Variants in GLS observed in about 807,000 individuals in gnomAD.
The protein encoded by GLS is glutaminase, also known as glutaminase kidney isoform, mitochondrial.
In GLS, 36 loss-of-function variants were observed where a neutral mutation model predicts 86.7. That is an observed-to-expected ratio of 0.42 (90% confidence interval 0.32 to 0.55). The LOEUF is 0.55. Ranked by LOEUF, GLS falls within the 20% of genes least tolerant of loss-of-function variation. The probability of loss-of-function intolerance (pLI) is 0.17; values close to 1 mark genes in which losing one functional copy is unlikely to be tolerated. For synonymous variants in GLS, 317 were observed against 305.9 expected (o/e 1.04, Z -0.38); for missense variants, 528 against 833.4 (o/e 0.63, Z 4.51).
intron 6 of GLS, among the ~76,000 whole-genome samples, chr2:190,906,665 C>A (rs778908905): frequency 6.6e-6 from 1 of 152,110 alleles, no homozygotes; most frequent in South Asian, 2.1e-4. Context: ...TATATTACAC[C>A]TTCCTGAATT....
Position 190,881,025 on chromosome 2 carries a change from C to T in GLS, c.-60C>T. On this transcript the variant is annotated 5_prime_UTR_variant, in exon 1 of 18. Coordinates refer to ENST00000320717, the MANE Select transcript of GLS (RefSeq NM_014905.5). ...CCACAGACCGCGTTCCCCGAGGAAA[C>T]CGGCCGCCCACGCCCGGAGCATCCT... The T allele has an allele frequency of 6.6e-7, 1 of 1,511,042 alleles. No individual in the cohort carries two copies. The highest frequency in any genetic ancestry group is 8.8e-7 in the Non-Finnish European group (1 of 1,131,230). The allele number at this position is 1,511,042 out of a possible 1,614,324, so 93.6% of individuals were successfully genotyped here.
intron 1 of GLS, among the ~76,000 whole-genome samples, chr2:190,883,922 C>T (rs762073316): frequency 6.6e-6 from 1 of 151,970 alleles, no homozygotes; most frequent in African/African-American, 2.4e-5. Flanking sequence ...ACCTTTTTTT[C>T]ACAAACTCTT....
At position 190,963,019 on chromosome 2, in the gene GLS, C is replaced by CTAT. The variant is rs770992075; in HGVS notation, c.*35_*37dup. 62 of 1,445,370 alleles carry CTAT rather than the reference C, an allele frequency of 4.3e-5. No homozygotes were observed. The highest frequency in any genetic ancestry group is 5.9e-5 in the Non-Finnish European group (62 of 1,054,744). The allele number at this position is 1,445,370 out of a possible 1,614,324, so 89.5% of individuals were successfully genotyped here. On this transcript the variant is annotated 3_prime_UTR_variant, in exon 18 of 18. Coordinates refer to ENST00000320717, the MANE Select transcript of GLS (RefSeq NM_014905.5). ...AAATCCCAAGATTTAAATCACTTAC[C>CTAT]TATTTAATTGTGGAAAATGATTATG...
intron 17 of GLS, among the ~76,000 whole-genome samples, chr2:190,957,068 C>A (rs1690876157): frequency 6.6e-6 from 1 of 151,824 alleles, no homozygotes; most frequent in Non-Finnish European, 1.5e-5. Context: ...AATTTGACTT[C>A]CTCTCTTCCT....
chr2:190,916,819 C>G (rs1689549053), intron 7 of GLS, among the ~76,000 whole-genome samples: 1 of 151,940 alleles, frequency 6.6e-6, no homozygotes, highest in Non-Finnish European at 1.5e-5. Context: ...TGTGTTTATA[C>G]TATAGTAAGT....
chr2:190,902,453 C>G (rs1688979183), intron 5 of GLS, among the ~76,000 whole-genome samples: 1 of 152,164 alleles, frequency 6.6e-6, no homozygotes, highest in South Asian at 2.1e-4. Context: ...GACAGTGCAA[C>G]ATAACGTATC....
rs1691070853 is a variant in GLS, at chr2:190,964,291, G to GAT, written c.*1307_*1308dup. ...TACATTTTATCCTGTCATACCTCGA[G>GAT]ATAAAGTGGCATGTTAGTGAGGAGT... On this transcript the variant is annotated 3_prime_UTR_variant, in exon 18 of 18. Transcript: ENST00000320717. This position sits in a 1 kb window ranked among gnomAD's most constrained non-coding sequence, Gnocchi z 5.2. The GAT allele has an allele frequency of 6.6e-6, 1 of 152,110 alleles. No individual in the cohort carries two copies. The highest frequency in any genetic ancestry group is 1.5e-5 in the Non-Finnish European group (1 of 68,012). 9.4% of individuals were successfully genotyped at this position (152,110 alleles called of 1,614,324 possible). A position where few individuals can be genotyped will look rare whatever the true frequency, so the allele number is the denominator to read the frequency against.
intron 14 of GLS, among the ~76,000 whole-genome samples, chr2:190,936,041 C>T (rs915430306): frequency 1.3e-5 from 2 of 151,112 alleles, no homozygotes; most frequent in African/African-American, 4.8e-5. Flanking sequence ...CTGTTGTTTA[C>T]ATGAATTTGT....
At position 190,924,741 on chromosome 2, in the gene GLS, C is replaced by T. The variant is rs2124902885; in HGVS notation, c.1248+148C>T. ...GTCATCCTGGCCAACATGGTGAAACCCCATCTCTACTAAAAATACAAAAAT... is the reference window on the plus strand; with the variant it reads ...GTCATCCTGGCCAACATGGTGAAACTCCATCTCTACTAAAAATACAAAAAT... On this transcript the variant is annotated intron_variant, in intron 11 of 17. Transcript: ENST00000320717. The surrounding 1 kb of genome is among the most constrained non-coding windows in gnomAD (Gnocchi z 5.2). 3.5e-6 allele frequency: 2 copies of T among 573,738 alleles called. No individual in the cohort carries two copies. 35.5% of individuals were successfully genotyped at this position (573,738 alleles called of 1,614,324 possible).
intron 7 of GLS, 47 bp downstream of exon 7, chr2:190,910,368 T>A: frequency 6.3e-6 from 6 of 946,354 alleles, no homozygotes; most frequent in Non-Finnish European, 1.0e-5. Flanking sequence ...TTTTTTTTTT[T>A]AACAGCTAAG....
chr2:190,900,739 A>C, intron 4 of GLS, 46 bp downstream of exon 4: 1 of 1,487,502 alleles, frequency 6.7e-7, no homozygotes, highest in Non-Finnish European at 9.3e-7. Context: ...TCACTTAATA[A>C]ATTCAGCTTA....
chr2:190,932,517 A>G (rs1291930701), intron 14 of GLS: 2 of 320,782 alleles, frequency 6.2e-6, no homozygotes, highest in East Asian at 4.9e-5. Context: ...AATTTCTGTT[A>G]CTATGTAAGA....
At chr2:190,906,539 A>G (rs1162293182) in intron 6 of GLS, among the ~76,000 whole-genome samples, 2 of 152,210 alleles carry the variant, frequency 1.3e-5, no homozygotes, top group Non-Finnish European at 2.9e-5. Context: ...AGAATTGTTT[A>G]TAATAAGAAT....
rs907789594 is a variant in GLS, at chr2:190,920,639, A to G, written c.1039-385A>G. Among the ~76,000 whole-genome samples the G allele has an allele frequency of 6.6e-6, 1 of 151,688 alleles. No individual in the cohort carries two copies. The highest frequency in any genetic ancestry group is 1.5e-5 in the Non-Finnish European group (1 of 67,698). ...AATTGAAATATTTTATATATACTTA[A>G]TTCTTTTCGAAGGGTGAAACTTTAT... is the stretch of plus-strand genomic sequence containing the variant. On this transcript the variant is annotated intron_variant, in intron 7 of 17. Transcript: ENST00000320717. This position sits in a 1 kb window ranked among gnomAD's most constrained non-coding sequence, Gnocchi z 4.2.
At chr2:190,882,314 C>G (rs1402018718) in intron 1 of GLS, among the ~76,000 whole-genome samples, 4 of 152,186 alleles carry the variant, frequency 2.6e-5, no homozygotes, top group Non-Finnish European at 5.9e-5. Context: ...TTGACTCATC[C>G]TGTATGTGTA....
intron 14 of GLS, chr2:190,932,520 A>C: frequency 3.0e-6 from 1 of 330,362 alleles, no homozygotes; most frequent in South Asian, 1.2e-4. Flanking sequence ...TTCTGTTACT[A>C]TGTAAGAATT....
chr2:190,929,038 T>G (rs758915675), intron 12 of GLS, among the ~76,000 whole-genome samples: 1 of 151,588 alleles, frequency 6.6e-6, no homozygotes, highest in Admixed American at 6.6e-5. Context: ...CAGGCTGGAG[T>G]GCAGTGGCGT....
Position 190,921,073 on chromosome 2 carries a change from A to G in GLS, c.1071+17A>G, listed in dbSNP as rs772567757. ...TTTGACTATGTAAGTGCAACATGTC[A>G]TTCAGTTTTCATGCCACATTCTCTA... On this transcript the variant is annotated intron_variant, in intron 8 of 17. Coordinates refer to ENST00000320717, the MANE Select transcript of GLS (RefSeq NM_014905.5). This position sits in a 1 kb window ranked among gnomAD's most constrained non-coding sequence, Gnocchi z 4.2. 42 of 1,586,760 alleles carry G rather than the reference A, an allele frequency of 2.6e-5. No individual in the cohort carries two copies. Among genetic ancestry groups the G allele is most frequent in the Middle Eastern group, 1.7e-4 (1 of 5,970 alleles).
At chr2:190,899,751 C>G (rs1688873758) in intron 3 of GLS, among the ~76,000 whole-genome samples, 2 of 152,224 alleles carry the variant, frequency 1.3e-5, no homozygotes, top group Non-Finnish European at 2.9e-5. Flanking sequence ...CGTTAATATA[C>G]TGATTTTCTG....
Sources: allele counts gnomAD v4.1 joint callset (sites outside exome capture counted in the v4.1 genomes callset), GRCh38; gene constraint gnomAD v4.1.1; non-coding constraint Gnocchi (gnomAD v3.1); transcripts MANE v1.5; gene names NCBI Gene and HGNC (gene_info 2026-07-23, HGNC 2026-07-21).